The following RASAL1 variants were observed in gnomAD, a reference collection of about 807,000 sequenced individuals.
RASAL1 encodes the protein RAS protein activator like 1, also known as rasGAP-activating-like protein 1.
Under a neutral mutation model 96.6 loss-of-function variants are expected in RASAL1, and 72 were observed. The observed-to-expected ratio is 0.75, with a 90% CI of 0.62 to 0.91. RASAL1 has a LOEUF of 0.91. Ranked by LOEUF, RASAL1 falls within the 40% of genes least tolerant of loss-of-function variation. RASAL1 has a pLI of 0.00. For missense variants in RASAL1, 1,016 were observed against 1,072.5 expected, an observed-to-expected ratio of 0.95 and a Z score of 0.74; for synonymous variants, 405 against 430.4, an observed-to-expected ratio of 0.94 and a Z score of 0.73.
chr12:113,115,832 C>G lies in RASAL1; in HGVS notation c.850-44G>C, dbSNP rs368495863. The G allele has an allele frequency of 2.5e-6, 4 of 1,610,924 alleles. No individual in the cohort carries two copies. The highest frequency in any genetic ancestry group is 1.3e-5 in the African/African-American group (1 of 74,970). On this transcript the variant is annotated intron_variant, in intron 9 of 20. Coordinates refer to ENST00000548055, the MANE Select transcript of RASAL1 (RefSeq NM_001301202.2). The surrounding 1 kb of genome is among the most constrained non-coding windows in gnomAD (Gnocchi z 4.1). ...CAAAGATGACCTCGGCCCCTGGGAC[C>G]CCAAAGCAGATGGGCCTAGATAGGG... is the stretch of plus-strand genomic sequence containing the variant.
At chr12:113,118,188 C>A (rs1951159958) in intron 7 of RASAL1, among the ~76,000 whole-genome samples, 1 of 152,112 alleles carries the variant, frequency 6.6e-6, no homozygotes, top group African/African-American at 2.4e-5. Flanking sequence ...CATGCCACTG[C>A]ACTCCAGCCT....
chr12:113,131,673 CATA>C (rs1256726766), intron 1 of RASAL1, among the ~76,000 whole-genome samples: 1 of 152,216 alleles, frequency 6.6e-6, no homozygotes, highest in African/African-American at 2.4e-5. Context: ...ATCCCCCCTT[CATA>C]ATAACAGTCA....
intron 4 of RASAL1, among the ~76,000 whole-genome samples, chr12:113,126,943 A>T (rs1951503626): frequency 7.4e-6 from 1 of 135,716 alleles, no homozygotes; most frequent in Non-Finnish European, 1.5e-5. Context: ...AATAATATTT[A>T]TATATAATTA....
intron 20 of RASAL1, 34 bp downstream of exon 20, chr12:113,100,594 C>A: frequency 6.3e-7 from 1 of 1,581,822 alleles, no homozygotes; most frequent in East Asian, 2.3e-5. Context: ...CCACTGCACC[C>A]AGCCTTTACC....
At chr12:113,110,641 C>T (rs1027481891) in intron 13 of RASAL1, among the ~76,000 whole-genome samples, 7 of 152,248 alleles carry the variant, frequency 4.6e-5, no homozygotes, top group South Asian at 2.1e-4. Flanking sequence ...GAGATCAGGC[C>T]GGGCGCGGTG....
At position 113,104,294 on chromosome 12, in the gene RASAL1, C is replaced by A. The variant is rs1950569222; in HGVS notation, c.1835G>T (p.Cys612Phe). 14 of 1,564,428 alleles carry A rather than the reference C, an allele frequency of 8.9e-6. No individual in the cohort carries two copies. The highest frequency in any genetic ancestry group is 1.1e-5 in the Non-Finnish European group (13 of 1,154,182). ...GATGTGAGACACGGGGATGGAGTGA[C>A]ACATCTGGGGAAGAGGATTGTCGCT... Reference protein sequence around the residue: ...SFSKSPEWQMCHSIPVSHIRA... With the variant: ...SFSKSPEWQMFHSIPVSHIRA... The change falls in exon 17 of 21, where the codon TGT (cysteine) becomes TTT (phenylalanine). Residue 612 changes from cysteine to phenylalanine, a missense_variant. Physicochemically the swap from Cys to Phe is radical, Grantham distance 205. Coordinates refer to ENST00000548055, the MANE Select transcript of RASAL1 (RefSeq NM_001301202.2).
chr12:113,133,277 G>A (rs955251525), intron 1 of RASAL1, among the ~76,000 whole-genome samples: 3 of 152,178 alleles, frequency 2.0e-5, no homozygotes, highest in Admixed American at 2.0e-4. Flanking sequence ...CAGACTTGTG[G>A]CCTCTCCCAC....
intron 18 of RASAL1, chr12:113,103,668 G>T: frequency 1.9e-6 from 1 of 529,232 alleles, no homozygotes. Context: ...CATGATGTTT[G>T]AGTACCACTG....
In RASAL1 at chr12:113,099,833, A is replaced by G; in HGVS notation, c.*96T>C. ...TGGGAGCCTCCAAACCACAGAATCA[A>G]AGAGGTCCAAGGAGACAGGAGACTC... On this transcript the variant is annotated 3_prime_UTR_variant, in exon 21 of 21. Coordinates refer to ENST00000548055, the MANE Select transcript of RASAL1 (RefSeq NM_001301202.2). The G allele has an allele frequency of 6.7e-7, 1 of 1,489,010 alleles. No homozygotes were observed. Among genetic ancestry groups the G allele is most frequent in the Non-Finnish European group, 9.0e-7 (1 of 1,109,296 alleles). The allele number at this position is 1,489,010 out of a possible 1,614,324, so 92.2% of individuals were successfully genotyped here.
intron 18 of RASAL1, among the ~76,000 whole-genome samples, chr12:113,102,241 C>A (rs1156668138): frequency 2.6e-5 from 4 of 151,624 alleles, no homozygotes; most frequent in Non-Finnish European, 4.4e-5. Flanking sequence ...CATAGTGAGA[C>A]CTTGTCTCTA....
At chr12:113,125,136 T>A (rs1951434807) in intron 4 of RASAL1, among the ~76,000 whole-genome samples, 1 of 151,948 alleles carries the variant, frequency 6.6e-6, no homozygotes, top group South Asian at 2.1e-4. Context: ...TATGTGTGTG[T>A]GTTTGTGTAT....
intron 16 of RASAL1, 140 bp from the exon 17 acceptor site, chr12:113,104,438 C>T (rs1357969055): frequency 1.7e-5 from 13 of 754,480 alleles, no homozygotes; most frequent in Admixed American, 7.9e-5. Flanking sequence ...GCTCTGTGTG[C>T]TCGTCCATCC....
intron 5 of RASAL1, among the ~76,000 whole-genome samples, chr12:113,120,664 G>A (rs1406408815): frequency 6.6e-6 from 1 of 152,184 alleles, no homozygotes; most frequent in African/African-American, 2.4e-5. Flanking sequence ...CTGAGGAAGG[G>A]AAAAAGGGAT....
At chr12:113,127,989 AC>A in intron 3 of RASAL1, 75 bp downstream of exon 3, 2 of 1,546,846 alleles carry the variant, frequency 1.3e-6, no homozygotes, top group Non-Finnish European at 8.9e-7. Flanking sequence ...TGGGCTGTGG[AC>A]CCACATCCCC....
At chr12:113,106,972 G>A in intron 15 of RASAL1, 125 bp downstream of exon 15, 1 of 1,113,892 alleles carries the variant, frequency 9.0e-7, no homozygotes, top group Non-Finnish European at 1.3e-6. Flanking sequence ...ATCAGGAAAT[G>A]TTAGTTGACT....
In RASAL1 at chr12:113,114,864, G is replaced by A. The variant is rs200610789; in HGVS notation, c.1117C>T (p.Arg373Cys). The A allele has an allele frequency of 1.3e-5, 21 of 1,614,024 alleles. No homozygotes were observed. Among genetic ancestry groups the A allele is most frequent in the Admixed American group, 1.2e-4 (7 of 60,002 alleles). Residue 373 changes from arginine (R) to cysteine (C), a missense_variant, in exon 12 of 21, where the codon CGT becomes TGT. Coordinates refer to ENST00000548055, the MANE Select transcript of RASAL1 (RefSeq NM_001301202.2). ...LHEVLKPVIS[R>C]VFEEKKYMEL... Reference sequence around the variant, plus strand: ...ATGTACTTCTTCTCCTCAAAGACACGGCTAATCACAGGCTTCAGGACCTCG... The same window carrying A: ...ATGTACTTCTTCTCCTCAAAGACACAGCTAATCACAGGCTTCAGGACCTCG...
rs1405195240 is a variant in RASAL1, at chr12:113,119,077, C to T, written c.642+51G>A. 5 of 1,536,174 alleles carry T rather than the reference C, an allele frequency of 3.3e-6. No homozygotes were observed. In the Admixed American group the frequency reaches 9.7e-5, roughly 30 times the overall value. Reference sequence around the variant, plus strand: ...CTCAGCCCGTCTCATCTTTCTTCCCCCTTGGAGGCACTGGGGAGCCATGGA... The same window carrying T: ...CTCAGCCCGTCTCATCTTTCTTCCCTCTTGGAGGCACTGGGGAGCCATGGA... On this transcript the variant is annotated intron_variant, in intron 7 of 20. Transcript: ENST00000548055.
At chr12:113,133,727 CAGCT>C (rs1378194804) in intron 1 of RASAL1, among the ~76,000 whole-genome samples, 1 of 152,210 alleles carries the variant, frequency 6.6e-6, no homozygotes, top group African/African-American at 2.4e-5. Context: ...AGGGTGCTGA[CAGCT>C]AGGGAAACTG....
intron 2 of RASAL1, 21 bp from the exon 3 acceptor site, chr12:113,128,199 G>A (rs951805680): frequency 6.4e-7 from 1 of 1,569,388 alleles, no homozygotes; most frequent in Non-Finnish European, 8.8e-7. Flanking sequence ...AGGTGCAGGG[G>A]GCTGGGGTCC....
Sources: gnomAD v4.1 joint callset for allele counts (sites outside exome capture counted in the v4.1 genomes callset) on GRCh38, gnomAD v4.1.1 for gene constraint, Gnocchi (gnomAD v3.1) non-coding constraint, MANE v1.5 for transcripts, NCBI Gene and HGNC (gene_info 2026-07-23, HGNC 2026-07-21) for gene names.